Variants in NOS2 observed in about 807,000 individuals in gnomAD.
The protein encoded by NOS2 is nitric oxide synthase 2.
A neutral mutation model predicts 136.0 loss-of-function variants in NOS2; 96 were observed. The ratio of observed to expected loss-of-function variants is 0.71; its 90% confidence interval spans 0.60 to 0.84. The LOEUF (loss-of-function observed/expected upper bound fraction) is 0.84, where lower values mean the gene tolerates loss of function less well. NOS2 is among the 40% of genes least tolerant of loss of function. The probability of loss-of-function intolerance (pLI) is 0.00; values close to 1 mark genes in which losing one functional copy is unlikely to be tolerated. For synonymous variants in NOS2, 539 were observed against 587.5 expected, an observed-to-expected ratio of 0.92 and a Z score of 1.20; for missense variants, 1,237 against 1,496.9, an observed-to-expected ratio of 0.83 and a Z score of 2.87.
rs199536608 is a variant in NOS2 at position 27,767,830 on chromosome 17, C to T, written c.2042G>A (p.Cys681Tyr). The change falls in exon 18 of 27, where the codon TGT becomes TAT. Residue 681 changes from cysteine (C) to tyrosine (Y), a missense_variant. Coordinates refer to ENST00000313735, the MANE Select transcript of NOS2 (RefSeq NM_000625.4). Reference protein sequence around the residue: ...SWAVQTFKAACETFDVRGKQH... With the variant: ...SWAVQTFKAAYETFDVRGKQH... ...TTTGCCTCGGACATCAAACGTCTCACAGGCTGCCTGGAAGAAGGTGGAGCA... is the reference window on the plus strand; with the variant it reads ...TTTGCCTCGGACATCAAACGTCTCATAGGCTGCCTGGAAGAAGGTGGAGCA... The T allele has an allele frequency of 6.2e-6, 10 of 1,611,702 alleles. No homozygotes were observed. Among genetic ancestry groups the T allele is most frequent in the African/African-American group, 2.7e-5 (2 of 74,972 alleles).
intron 11 of NOS2, among the ~76,000 whole-genome samples, chr17:27,777,091 C>T (rs754713582): frequency 9.2e-5 from 14 of 152,298 alleles, no homozygotes; most frequent in Admixed American, 4.6e-4. Context: ...CCCCAAACAC[C>T]GGGGGGCTCT....
At chr17:27,780,466 A>G (rs1252458636) in intron 9 of NOS2, among the ~76,000 whole-genome samples, 6 of 152,200 alleles carry the variant, frequency 3.9e-5, no homozygotes, top group African/African-American at 1.4e-4. Flanking sequence ...GCTCCTTTCT[A>G]GAATCTCAAT....
At chr17:27,773,054 A>G in intron 13 of NOS2, 107 bp downstream of exon 13, 1 of 914,962 alleles carries the variant, frequency 1.1e-6, no homozygotes, top group Non-Finnish European at 1.8e-6. Flanking sequence ...AGCAAAAAGC[A>G]TAACCATTCC....
Position 27,783,228 on chromosome 17 carries a change from G to A in NOS2, c.468-122C>T, listed in dbSNP as rs1484339241. 26 of 1,073,956 alleles carry A rather than the reference G, an allele frequency of 2.4e-5. No individual in the cohort carries two copies. The East Asian group carries it at 4.1e-4, about 17-fold the overall frequency. The allele number at this position is 1,073,956 out of a possible 1,614,324, so 66.5% of individuals were successfully genotyped here. A position where few individuals can be genotyped will look rare whatever the true frequency, so the allele number is the denominator to read the frequency against. On this transcript the variant is annotated intron_variant, in intron 5 of 26. Coordinates refer to ENST00000313735, the MANE Select transcript of NOS2 (RefSeq NM_000625.4). ...GAAGGGCAAGATGCCTCTCACCAGAGACAGCTCCCTCCAGGGCTGGCTTTG... is the reference window on the plus strand; with the variant it reads ...GAAGGGCAAGATGCCTCTCACCAGAAACAGCTCCCTCCAGGGCTGGCTTTG...
At chr17:27,777,209 C>T (rs1466083055) in intron 11 of NOS2, among the ~76,000 whole-genome samples, 1 of 152,270 alleles carries the variant, frequency 6.6e-6, no homozygotes, top group Non-Finnish European at 1.5e-5. Flanking sequence ...TCACCACTCA[C>T]ATCCTTGGCC....
rs1358700836 is a variant in NOS2, at chr17:27,760,601, C to T, written c.3010+22G>A. ...CGCTGGCCCCCTGGTGCCCCTCCCA[C>T]CTGGGAAGCCTCCAGCCTTACCCTT... is the stretch of plus-strand genomic sequence containing the variant. On this transcript the variant is annotated intron_variant, in intron 24 of 26. Coordinates refer to ENST00000313735, the MANE Select transcript of NOS2 (RefSeq NM_000625.4). The T allele has an allele frequency of 4.5e-6, 7 of 1,551,908 alleles. No homozygotes were observed. In the Admixed American group the frequency reaches 1.2e-4, roughly 26 times the overall value.
Position 27,762,933 on chromosome 17 carries a change from G to A in NOS2, c.2665C>T (p.Leu889=). ...FLEVLEEFPS[L]RVSAGFLLSQ... ...AGCAGGAAGCCAGCAGACACCCGCA[G>A]GGACGGGAACTCCTCTAGCACCTCC... Residue 889 remains leucine (L), a synonymous_variant, in exon 22 of 27, where the codon CTG becomes TTG. Transcript: ENST00000313735. 1 of 1,606,220 alleles carries A rather than the reference G, an allele frequency of 6.2e-7. No individual in the cohort carries two copies. The highest frequency in any genetic ancestry group is 8.5e-7 in the Non-Finnish European group (1 of 1,177,290).
intron 3 of NOS2, 23 bp downstream of exon 3, chr17:27,789,581 C>A (rs1322130378): frequency 6.3e-7 from 1 of 1,583,366 alleles, no homozygotes; most frequent in South Asian, 1.1e-5. Context: ...AAGGGGCTTC[C>A]CACACCCATG....
chr17:27,786,115 C>G (rs1040547313), intron 5 of NOS2, among the ~76,000 whole-genome samples: 1 of 151,728 alleles, frequency 6.6e-6, no homozygotes, highest in Admixed American at 6.6e-5. Context: ...CACTCCCCTT[C>G]CAGCCTAGAA....
chr17:27,782,134 A>G, intron 6 of NOS2, 28 bp from the exon 7 acceptor site: 2 of 1,603,330 alleles, frequency 1.2e-6, no homozygotes, highest in Non-Finnish European at 1.7e-6. Context: ...GACCATGCCC[A>G]TCAAAGACTG....
intron 2 of NOS2, among the ~76,000 whole-genome samples, chr17:27,794,722 A>G (rs967075704): frequency 5.9e-5 from 9 of 151,484 alleles, no homozygotes; most frequent in Admixed American, 5.3e-4. Context: ...GCGCACACAC[A>G]CACACACACA....
chr17:27,780,667 G>C (rs1208520435), intron 9 of NOS2, 100 bp downstream of exon 9: 1 of 1,497,244 alleles, frequency 6.7e-7, no homozygotes, highest in Admixed American at 1.7e-5. Context: ...CTGCTGGCTG[G>C]GCTTTAGGGA....
chr17:27,760,893 G>T (rs1378058085), intron 23 of NOS2, 149 bp from the exon 24 acceptor site: 9 of 1,108,630 alleles, frequency 8.1e-6, no homozygotes, highest in Non-Finnish European at 1.0e-5. Context: ...CGTCCTGCAG[G>T]CTGCTTCACT....
chr17:27,769,217 AC>A, intron 16 of NOS2, 66 bp from the exon 17 acceptor site: 1 of 1,476,986 alleles, frequency 6.8e-7, no homozygotes, highest in Non-Finnish European at 9.1e-7. Context: ...AGCACCCAGC[AC>A]CAACAGCCTG....
At chr17:27,797,571 T>A (rs532199728) in intron 2 of NOS2, among the ~76,000 whole-genome samples, 27 of 152,350 alleles carry the variant, frequency 1.8e-4, no homozygotes, top group African/African-American at 6.5e-4. Flanking sequence ...CTCAGGGCCG[T>A]CATGCTGTAC....
At position 27,767,700 on chromosome 17, in the gene NOS2, G is replaced by A; in HGVS notation, c.2167+5C>T. On this transcript the variant is annotated splice_donor_5th_base_variant and intron_variant, in intron 18 of 26. Transcript: ENST00000313735. ...AAGCCCCATGTGCTGCAGAGAAGCA[G>A]GTACCTTTGCTGAGGTCCAAAGGCT... The A allele has an allele frequency of 1.9e-6, 3 of 1,613,368 alleles. No homozygotes were observed. Among genetic ancestry groups the A allele is most frequent in the Non-Finnish European group, 1.7e-6 (2 of 1,179,892 alleles).
Position 27,770,967 on chromosome 17 carries a change from C to G in NOS2, c.1755G>C (p.Leu585=), listed in dbSNP as rs28999412. The G allele has an allele frequency of 5.6e-6, 9 of 1,614,066 alleles. No homozygotes were observed. Among genetic ancestry groups the G allele is most frequent in the Non-Finnish European group, 7.6e-6 (9 of 1,180,026 alleles). ...CAAACGTACTGGTCACCACCAACAG[C>G]AGCCGTTCCTCCTCCAGGCAGCTCA... is the stretch of plus-strand genomic sequence containing the variant. ...YRLSCLEEER[L]LLVVTSTFGN... The change falls in exon 15 of 27, where the codon CTG becomes CTC. Residue 585 remains leucine, a synonymous_variant. Coordinates refer to ENST00000313735, the MANE Select transcript of NOS2 (RefSeq NM_000625.4).
At chr17:27,761,395 T>A (rs1908126691) in intron 22 of NOS2, among the ~76,000 whole-genome samples, 164 bp from the exon 23 acceptor site, 1 of 152,120 alleles carries the variant, frequency 6.6e-6, no homozygotes. Context: ...CCACCCTCTG[T>A]AAGCGCGGAG....
chr17:27,777,411 G>A (rs191602657), intron 11 of NOS2, among the ~76,000 whole-genome samples: 26 of 152,272 alleles, frequency 1.7e-4, no homozygotes, highest in Middle Eastern at 3.4e-3. Flanking sequence ...TAAGAGCAGC[G>A]GATGGGCCTG....
Sources: gnomAD v4.1 joint callset for allele counts (sites outside exome capture counted in the v4.1 genomes callset) on GRCh38, gnomAD v4.1.1 for gene constraint, MANE v1.5 for transcripts, NCBI Gene and HGNC (gene_info 2026-07-23, HGNC 2026-07-21) for gene names.